HERC2: variants seen among roughly 807,000 people sequenced by gnomAD.
HERC2 encodes E3 ubiquitin-protein ligase HERC2.
A neutral mutation model predicts 537.7 loss-of-function variants in HERC2; 102 were observed. The observed-to-expected ratio is 0.19, with a 90% confidence interval of 0.16 to 0.22. The LOEUF is 0.22. Ranked by LOEUF, HERC2 falls within the 10% of genes least tolerant of loss-of-function variation. The pLI, the probability that HERC2 is intolerant of heterozygous loss-of-function variation, is 1.00. For missense variants in HERC2, 4,236 were observed against 6,198.2 expected (o/e 0.68, Z 10.63); for synonymous variants, 2,224 against 2,466.2 (o/e 0.90, Z 2.91).
intron 68 of HERC2, 114 bp downstream of exon 68, chr15:28,167,573 G>A: frequency 7.8e-7 from 1 of 1,284,846 alleles, no homozygotes; most frequent in African/African-American, 1.5e-5. Flanking sequence ...CAAGTGGACA[G>A]CCGAGGTGAA....
chr15:28,318,383 T>A (rs1022424803), intron 2 of HERC2, among the ~76,000 whole-genome samples: 5 of 152,094 alleles, frequency 3.3e-5, no homozygotes, highest in African/African-American at 1.2e-4. Flanking sequence ...TCCCAGCACT[T>A]CCGGAGGCCG....
At chr15:28,301,763 A>C (rs1478795485) in intron 2 of HERC2, among the ~76,000 whole-genome samples, 11 of 109,172 alleles carry the variant, frequency 1.0e-4, no homozygotes, top group Non-Finnish European at 1.8e-5. Flanking sequence ...ATATATATAT[A>C]TATATATATA....
At chr15:28,282,737 G>C (rs893110319) in intron 4 of HERC2, among the ~76,000 whole-genome samples, 1 of 152,142 alleles carries the variant, frequency 6.6e-6, no homozygotes, top group African/African-American at 2.4e-5. Flanking sequence ...TTTGAGACCA[G>C]CCTGGCCAAC....
intron 9 of HERC2, 79 bp from the exon 10 acceptor site, chr15:28,270,947 T>C: frequency 8.3e-7 from 1 of 1,206,514 alleles, no homozygotes; most frequent in South Asian, 1.4e-5. Context: ...ACCCACGCTT[T>C]ATATTTTGGT....
chr15:28,271,669 A>G (rs985489423), intron 9 of HERC2, among the ~76,000 whole-genome samples: 1 of 152,094 alleles, frequency 6.6e-6, no homozygotes, highest in African/African-American at 2.4e-5. Flanking sequence ...ACTCCATCTA[A>G]GGAAAAAAAA....
intron 35 of HERC2, among the ~76,000 whole-genome samples, chr15:28,223,680 C>T (rs937099695): frequency 4.6e-5 from 7 of 152,154 alleles, no homozygotes; most frequent in Admixed American, 2.0e-4. Flanking sequence ...TTTTGCATAG[C>T]TTTATGTTTT....
Position 28,179,168 on chromosome 15 carries a change from G to C in HERC2, c.8993C>G (p.Ala2998Gly). Residue 2998 changes from alanine (A) to glycine (G), a missense_variant, in exon 58 of 93, where the codon GCT (alanine) becomes GGT (glycine). Physicochemically the swap from Ala to Gly is moderately conservative, Grantham distance 60. Coordinates refer to ENST00000261609, the MANE Select transcript of HERC2 (RefSeq NM_004667.6). ...TLSALNVVQV[A>G]GGSKSLFAVT... is the part of the protein sequence containing the mutation. ...TGCAAACAAACTTTTAGATCCACCA[G>C]CCACCTGTACCACATTCAAAGCTGA... The C allele has an allele frequency of 6.2e-7, 1 of 1,612,870 alleles. No individual in the cohort carries two copies. The highest frequency in any genetic ancestry group is 1.1e-5 in the South Asian group (1 of 90,684).
chr15:28,287,963 A>T (rs2076206337), intron 4 of HERC2, among the ~76,000 whole-genome samples: 1 of 152,028 alleles, frequency 6.6e-6, no homozygotes, highest in Non-Finnish European at 1.5e-5. Flanking sequence ...TGACATCATG[A>T]TCCACCCACC....
In HERC2 at chr15:28,177,620, C is replaced by G; in HGVS notation, c.9164-111G>C. On this transcript the variant is annotated intron_variant, in intron 59 of 92. Transcript: ENST00000261609. This position sits in a 1 kb window ranked among gnomAD's most constrained non-coding sequence, Gnocchi z 5.0. ...ATAGCACACACTCAATGAGCGTGAGCTGAATAAATGAGTAACTCAACAGGA... is the reference window on the plus strand; with the variant it reads ...ATAGCACACACTCAATGAGCGTGAGGTGAATAAATGAGTAACTCAACAGGA... 1.1e-6 allele frequency: 1 copy of G among 880,236 alleles called. No homozygotes were observed. Among genetic ancestry groups the G allele is most frequent in the Non-Finnish European group, 1.9e-6 (1 of 533,910 alleles). 54.5% of individuals were successfully genotyped at this position (880,236 alleles called of 1,614,324 possible).
intron 17 of HERC2, 124 bp from the exon 18 acceptor site, chr15:28,256,441 T>C: frequency 1.3e-6 from 1 of 788,274 alleles, no homozygotes; most frequent in Non-Finnish European, 2.0e-6. Flanking sequence ...TCAGTTTATG[T>C]ATTTTTAAAA....
chr15:28,216,312 T>A (rs1899897375), intron 38 of HERC2, among the ~76,000 whole-genome samples: 1 of 144,402 alleles, frequency 6.9e-6, no homozygotes, highest in Admixed American at 6.7e-5. Flanking sequence ...ACCACTTAAA[T>A]ATTTTTTTTT....
At chr15:28,168,341 C>G (rs1475607897) in intron 67 of HERC2, 66 bp downstream of exon 67, 2 of 1,493,746 alleles carry the variant, frequency 1.3e-6, no homozygotes, top group African/African-American at 1.4e-5. Context: ...CACAATGAGA[C>G]TTTCCTAGAC....
At chr15:28,130,681 T>C (rs1047338165) in intron 81 of HERC2, 87 bp from the exon 82 acceptor site, 26 of 939,960 alleles carry the variant, frequency 2.8e-5, no homozygotes, top group Non-Finnish European at 5.2e-6. Context: ...CTAAATCTAG[T>C]AAGAATTCTG....
At chr15:28,174,024 G>A (rs1357385592) in intron 65 of HERC2, among the ~76,000 whole-genome samples, 3 of 151,856 alleles carry the variant, frequency 2.0e-5, no homozygotes, top group Non-Finnish European at 4.4e-5. Context: ...CAATCAAAAT[G>A]CATACTTTAA....
chr15:28,311,732 T>C (rs1487721587), intron 2 of HERC2, among the ~76,000 whole-genome samples: 1 of 152,108 alleles, frequency 6.6e-6, no homozygotes, highest in Non-Finnish European at 1.5e-5. Flanking sequence ...CTGGAGAAGA[T>C]GCCAACACCC....
Position 28,141,595 on chromosome 15 carries a change from C to T in HERC2, c.11852G>A (p.Ser3951Asn). 1 of 1,614,204 alleles carries T rather than the reference C, an allele frequency of 6.2e-7. No homozygotes were observed. Among genetic ancestry groups the T allele is most frequent in the South Asian group, 1.1e-5 (1 of 91,090 alleles). Residue 3951 changes from serine (S) to asparagine (N), a missense_variant, in exon 78 of 93, where the codon AGT becomes AAT. Physicochemically the swap from Ser to Asn is conservative, Grantham distance 46. Transcript: ENST00000261609. ...ATGTCCCCATCCATAAATTGTTCCA[C>T]TGCCACCAGCAGAGAGAGTCCAGTC... is the stretch of plus-strand genomic sequence containing the variant. ...PDDWTLSAGG[S>N]GTIYGWGHNH...
rs546486293 is a variant in HERC2, at chr15:28,204,643, T to C, written c.7212+1597A>G. Among the ~76,000 whole-genome samples, 741 of 149,876 alleles carry C rather than the reference T, an allele frequency of 4.9e-3. 5 individuals carry two copies. The highest frequency in any genetic ancestry group is 0.017 in the African/African-American group (698 of 40,972). On this transcript the variant is annotated intron_variant, in intron 45 of 92. Coordinates refer to ENST00000261609, the MANE Select transcript of HERC2 (RefSeq NM_004667.6). ...AAAAAAAAAAAAAAAAAGATAGACTTAAAGGATGAAGAAAGGAACTGTCAG... is the reference window on the plus strand; with the variant it reads ...AAAAAAAAAAAAAAAAAGATAGACTCAAAGGATGAAGAAAGGAACTGTCAG...
At chr15:28,115,157 C>T (rs921804570) in intron 89 of HERC2, 21 of 509,532 alleles carry the variant, frequency 4.1e-5, no homozygotes, top group African/African-American at 1.1e-4. Flanking sequence ...GCCTGACTCA[C>T]GGCCCCCAGC....
At chr15:28,133,598 G>A (rs138817251) in intron 79 of HERC2, among the ~76,000 whole-genome samples, 1 of 152,192 alleles carries the variant, frequency 6.6e-6, no homozygotes, top group East Asian at 1.9e-4. Context: ...TCATGACTAT[G>A]GTTCATTTTG....
Sources: allele counts gnomAD v4.1 joint callset (sites outside exome capture counted in the v4.1 genomes callset), GRCh38; gene constraint gnomAD v4.1.1; non-coding constraint Gnocchi (gnomAD v3.1); transcripts MANE v1.5; gene names NCBI Gene and HGNC (gene_info 2026-07-23, HGNC 2026-07-21).